The following PPARGC1A variants were observed in gnomAD, a reference collection of about 807,000 sequenced individuals.
PPARGC1A encodes the protein peroxisome proliferator-activated receptor gamma coactivator 1-alpha.
PPARGC1A carries 25 observed loss-of-function variants against 88.7 expected under a neutral mutation model. That is an observed-to-expected ratio of 0.28 (90% CI 0.21 to 0.39). The LOEUF is 0.39. Ranked by LOEUF, PPARGC1A falls within the 10% of genes least tolerant of loss-of-function variation. The pLI, the probability that PPARGC1A is intolerant of heterozygous loss-of-function variation, is 1.00. For synonymous variants in PPARGC1A, 363 were observed against 355.6 expected (o/e 1.02, Z -0.24); for missense variants, 880 against 968.7 (o/e 0.91, Z 1.22).
intron 2 of PPARGC1A, among the ~76,000 whole-genome samples, chr4:23,851,115 A>G (rs1208529474): frequency 6.6e-6 from 1 of 152,324 alleles, no homozygotes; most frequent in East Asian, 1.9e-4. Flanking sequence ...GGACTTATCC[A>G]TCTCACAAAC....
At chr4:24,115,473 T>C in the PPARGC1A span, among the ~76,000 whole-genome samples, 1 of 152,186 alleles carries the variant, frequency 6.6e-6, no homozygotes, top group Non-Finnish European at 1.5e-5. Context: ...CATCACTCTG[T>C]GCACGTGATA....
At chr4:24,387,225 T>G in the PPARGC1A span, among the ~76,000 whole-genome samples, 1 of 152,094 alleles carries the variant, frequency 6.6e-6, no homozygotes, top group Non-Finnish European at 1.5e-5. Context: ...TCTTATACCT[T>G]TATACAAAAA....
At chr4:24,362,674 T>C in the PPARGC1A span, among the ~76,000 whole-genome samples, 2 of 152,178 alleles carry the variant, frequency 1.3e-5, no homozygotes, top group African/African-American at 4.8e-5. Flanking sequence ...AAGAAATGTC[T>C]AGAGGTTGTT....
intron 10 of PPARGC1A, among the ~76,000 whole-genome samples, chr4:23,809,869 C>T (rs951480833): frequency 6.6e-6 from 1 of 152,144 alleles, no homozygotes; most frequent in Non-Finnish European, 1.5e-5. Flanking sequence ...CTTATACCCT[C>T]TCTGAGGATG....
At chr4:24,311,123 A>T in the PPARGC1A span, among the ~76,000 whole-genome samples, 2 of 91,884 alleles carry the variant, frequency 2.2e-5, no homozygotes, top group Non-Finnish European at 3.8e-5. Context: ...TTTTTGAGAC[A>T]GAGTCTTGCT....
the PPARGC1A span, among the ~76,000 whole-genome samples, chr4:24,144,419 C>T: frequency 6.6e-6 from 1 of 152,046 alleles, no homozygotes; most frequent in Non-Finnish European, 1.5e-5. Context: ...TGCTTGATGG[C>T]TTTAAGGACA....
the PPARGC1A span, among the ~76,000 whole-genome samples, chr4:24,240,921 C>T: frequency 1.3e-5 from 2 of 152,122 alleles, no homozygotes; most frequent in African/African-American, 4.8e-5. Context: ...GGTGGCATGA[C>T]CTGAGACAGT....
the PPARGC1A span, among the ~76,000 whole-genome samples, chr4:24,387,896 A>AAG: frequency 2.0e-3 from 220 of 107,360 alleles, 12 homozygotes; most frequent in African/African-American, 6.2e-3. Context: ...GAAAGAAAGA[A>AAG]AAAGAAAGAG....
the PPARGC1A span, among the ~76,000 whole-genome samples, chr4:24,179,712 T>C: frequency 1.3e-5 from 2 of 152,142 alleles, no homozygotes; most frequent in Non-Finnish European, 2.9e-5. Context: ...ACATAAGTGG[T>C]TGCTATTTTA....
At chr4:24,186,195 T>A in the PPARGC1A span, among the ~76,000 whole-genome samples, 1 of 151,958 alleles carries the variant, frequency 6.6e-6, no homozygotes, top group South Asian at 2.1e-4. Flanking sequence ...GGAGAGACAG[T>A]GACAAAGAGC....
chr4:23,990,706 C>T, the PPARGC1A span, among the ~76,000 whole-genome samples: 2 of 151,924 alleles, frequency 1.3e-5, no homozygotes. Context: ...TTTCTGGAAG[C>T]ATCACTAACT....
At chr4:24,220,240 T>A in the PPARGC1A span, among the ~76,000 whole-genome samples, 7 of 152,218 alleles carry the variant, frequency 4.6e-5, no homozygotes. Context: ...TTGGCGAGGT[T>A]GCAGAGAAAA....
At chr4:23,909,786 A>G in the PPARGC1A span, among the ~76,000 whole-genome samples, 24 of 151,966 alleles carry the variant, frequency 1.6e-4, no homozygotes, top group African/African-American at 4.8e-4. Context: ...TCAGATACCT[A>G]GCTTGGCATC....
chr4:23,884,606 C>A, intron 2 of PPARGC1A, 146 bp downstream of exon 2: 6 of 615,440 alleles, frequency 9.7e-6, no homozygotes, highest in Admixed American at 8.1e-5. Context: ...GCTGTTTTTC[C>A]ATAAATTAGA....
At chr4:24,097,923 G>A in the PPARGC1A span, among the ~76,000 whole-genome samples, 14 of 152,098 alleles carry the variant, frequency 9.2e-5, no homozygotes, top group South Asian at 2.1e-4. Flanking sequence ...TGGCTCCCAC[G>A]TACTGACTTG....
chr4:24,344,845 G>A, the PPARGC1A span, among the ~76,000 whole-genome samples: 1 of 152,032 alleles, frequency 6.6e-6, no homozygotes, highest in African/African-American at 2.4e-5. Flanking sequence ...ATGTCTAGAA[G>A]GGTTTTTCCA....
Position 23,812,775 on chromosome 4 carries a change from T to A in PPARGC1A, c.1991A>T (p.Gln664Leu). 1 of 1,614,060 alleles carries A rather than the reference T, an allele frequency of 6.2e-7. No individual in the cohort carries two copies. Among genetic ancestry groups the A allele is most frequent in the Non-Finnish European group, 8.5e-7 (1 of 1,179,990 alleles). The change falls in exon 10 of 13, where the codon CAA becomes CTA. Residue 664 changes from glutamine (Q) to leucine (L), a missense_variant. By Grantham distance (113) the Gln-to-Leu change is moderately radical. Transcript: ENST00000264867. ...TGCCTTCTGCCTCTGCCTCTCCCTT[T>A]GCTTGGCCCTCTCAGACTCTCGCTT... ...YEKRESERAK[Q>L]RERQRQKAIE...
the PPARGC1A span, among the ~76,000 whole-genome samples, chr4:24,082,227 C>T: frequency 6.6e-6 from 1 of 152,158 alleles, no homozygotes; most frequent in Admixed American, 6.5e-5. Flanking sequence ...TTGTCTGTTT[C>T]CCCAATATAA....
the PPARGC1A span, among the ~76,000 whole-genome samples, chr4:24,387,143 G>A: frequency 5.3e-5 from 8 of 152,258 alleles, no homozygotes; most frequent in African/African-American, 1.9e-4. Flanking sequence ...AACGGGGAAA[G>A]GATTCCCTAT....
Sources: allele counts gnomAD v4.1 joint callset (sites outside exome capture counted in the v4.1 genomes callset), GRCh38; gene constraint gnomAD v4.1.1; transcripts MANE v1.5; gene names NCBI Gene and HGNC (gene_info 2026-07-23, HGNC 2026-07-21).